The following LRBA variants were observed in gnomAD, a reference collection of about 807,000 sequenced individuals.
The protein encoded by LRBA is lipopolysaccharide-responsive and beige-like anchor protein.
In LRBA, 176 loss-of-function variants were observed where a neutral mutation model predicts 330.0. The observed-to-expected ratio is 0.53, with a 90% CI of 0.47 to 0.60. LRBA has a LOEUF of 0.60. Among genes scored for constraint, LRBA ranks in the 20% least tolerant of loss-of-function variants. The probability of loss-of-function intolerance (pLI) is 0.00; values close to 1 mark genes in which losing one functional copy is unlikely to be tolerated. For synonymous variants in LRBA, 1,230 were observed against 1,193.0 expected (o/e 1.03, Z -0.64); for missense variants, 3,259 against 3,444.8 (o/e 0.95, Z 1.35).
chr4:150,938,347 C>T (rs1404518215), intron 2 of LRBA, among the ~76,000 whole-genome samples: 1 of 152,086 alleles, frequency 6.6e-6, no homozygotes, highest in Non-Finnish European at 1.5e-5. Context: ...GTGAATGTTA[C>T]CTTGTATATG....
chr4:150,427,187 A>G (rs1434569710), intron 46 of LRBA, among the ~76,000 whole-genome samples: 1 of 151,972 alleles, frequency 6.6e-6, no homozygotes, highest in African/African-American at 2.4e-5. Context: ...ATATGATAAG[A>G]TCACCAGTCA....
At chr4:150,677,871 T>A (rs1399669768) in intron 37 of LRBA, among the ~76,000 whole-genome samples, 1 of 151,530 alleles carries the variant, frequency 6.6e-6, no homozygotes, top group African/African-American at 2.4e-5. Context: ...GATTCCCATA[T>A]GTTCAGTATC....
At chr4:150,834,848 C>T (rs904374800) in intron 28 of LRBA, among the ~76,000 whole-genome samples, 9 of 152,116 alleles carry the variant, frequency 5.9e-5, no homozygotes, top group African/African-American at 1.9e-4. Context: ...GTTGCCATTG[C>T]TTTTGGTGTT....
intron 34 of LRBA, among the ~76,000 whole-genome samples, chr4:150,781,015 G>C (rs995714352): frequency 2.6e-5 from 4 of 151,958 alleles, no homozygotes; most frequent in African/African-American, 9.7e-5. Flanking sequence ...GAGTAGCTGG[G>C]ACTACAGGCG....
At chr4:150,715,206 T>C (rs1227046616) in intron 36 of LRBA, among the ~76,000 whole-genome samples, 1 of 152,156 alleles carries the variant, frequency 6.6e-6, no homozygotes, top group Non-Finnish European at 1.5e-5. Flanking sequence ...TGTAAACCAT[T>C]TGAGTTCATA....
chr4:150,406,931 C>T (rs186317432), intron 47 of LRBA, among the ~76,000 whole-genome samples: 303 of 152,256 alleles, frequency 2.0e-3, no homozygotes, highest in Non-Finnish European at 3.2e-3. Flanking sequence ...CAGGCACACA[C>T]CTCCATGCCT....
chr4:150,514,829 T>C (rs957862646), intron 40 of LRBA, among the ~76,000 whole-genome samples: 1 of 152,250 alleles, frequency 6.6e-6, no homozygotes, highest in African/African-American at 2.4e-5. Context: ...ATTGATTTAA[T>C]GAATCATCTG....
At chr4:150,580,569 A>T (rs1194168448) in intron 40 of LRBA, 3 of 152,230 alleles carry the variant, frequency 2.0e-5, no homozygotes, top group Non-Finnish European at 4.4e-5. Flanking sequence ...AAATGGACGC[A>T]TAGATTTTTA....
At chr4:150,681,930 A>G (rs1176411503) in intron 37 of LRBA, among the ~76,000 whole-genome samples, 1 of 152,158 alleles carries the variant, frequency 6.6e-6, no homozygotes, top group African/African-American at 2.4e-5. Context: ...TATTACACCA[A>G]AATCACTTCA....
At chr4:150,811,216 TAATTA>T (rs1176601473) in intron 31 of LRBA, among the ~76,000 whole-genome samples, 1 of 152,118 alleles carries the variant, frequency 6.6e-6, no homozygotes, top group Non-Finnish European at 1.5e-5. Context: ...TACCAGTGAT[TAATTA>T]AATAGTTCTG....
intron 37 of LRBA, among the ~76,000 whole-genome samples, chr4:150,651,831 A>G (rs565683969): frequency 6.6e-6 from 1 of 152,288 alleles, no homozygotes; most frequent in African/African-American, 2.4e-5. Flanking sequence ...GGGTCTTTTA[A>G]CTGAGGACTC....
At chr4:150,891,914 GACTTTGTCTCTACAAAAA>G (rs1486490273) in intron 17 of LRBA, among the ~76,000 whole-genome samples, 1 of 152,134 alleles carries the variant, frequency 6.6e-6, no homozygotes, top group Non-Finnish European at 1.5e-5. Context: ...AACATGGTGA[GACTTTGTCTCTACAAAAA>G]ACTTTTAAAA....
chr4:150,738,946 A>G (rs942352807), intron 35 of LRBA, among the ~76,000 whole-genome samples: 5 of 152,136 alleles, frequency 3.3e-5, no homozygotes, highest in Admixed American at 6.5e-5. Flanking sequence ...AAATACATAG[A>G]AAGTAAACAT....
At chr4:150,925,921 CA>C (rs148246813) in intron 4 of LRBA, among the ~76,000 whole-genome samples, 3,390 of 152,142 alleles carry the variant, frequency 0.022, 111 homozygotes, top group African/African-American at 0.077. Context: ...ATGTATCAAA[CA>C]AAAACAGTTT....
chr4:150,712,029 AATC>A (rs1478933624), intron 36 of LRBA, among the ~76,000 whole-genome samples: 4 of 152,316 alleles, frequency 2.6e-5, no homozygotes, highest in African/African-American at 9.6e-5. Flanking sequence ...AAGGAAGAGA[AATC>A]ATTTTTTACT....
At chr4:150,677,792 G>A (rs138473954) in intron 37 of LRBA, among the ~76,000 whole-genome samples, 8,115 of 146,376 alleles carry the variant, frequency 0.055, 286 homozygotes, top group African/African-American at 0.11. Context: ...AACACGACAA[G>A]ATCCCATGTC....
chr4:150,637,157 T>A lies in LRBA; in HGVS notation c.5922-38026A>T, dbSNP rs56681608. On this transcript the variant is annotated intron_variant, in intron 37 of 56. Coordinates refer to ENST00000651943, the MANE Select transcript of LRBA (RefSeq NM_001364905.1). ...GCATATGGATCTCTGACATTAGTAATGAAGTTGAATTATTCCTTCTAAAAA... is the reference window on the plus strand; with the variant it reads ...GCATATGGATCTCTGACATTAGTAAAGAAGTTGAATTATTCCTTCTAAAAA... Among the ~76,000 whole-genome samples, 189 of 152,256 alleles carry A rather than the reference T, an allele frequency of 1.2e-3. 3 individuals carry two copies. The highest frequency in any genetic ancestry group is 4.5e-3 in the African/African-American group (185 of 41,556).
At chr4:150,761,665 T>G in intron 35 of LRBA, 118 bp downstream of exon 35, 2 of 574,894 alleles carry the variant, frequency 3.5e-6, no homozygotes, top group South Asian at 5.0e-5. Flanking sequence ...ATATCAGAGC[T>G]CCATTACATT....
chr4:150,994,234 A>C (rs2149634335), intron 2 of LRBA, among the ~76,000 whole-genome samples: 1 of 152,166 alleles, frequency 6.6e-6, no homozygotes, highest in East Asian at 1.9e-4. Context: ...CCACTACCAA[A>C]GTACAGTGTT....
Sources: allele counts gnomAD v4.1 joint callset (sites outside exome capture counted in the v4.1 genomes callset), GRCh38; gene constraint gnomAD v4.1.1; transcripts MANE v1.5; gene names NCBI Gene and HGNC (gene_info 2026-07-23, HGNC 2026-07-21).